MIPEP: variants seen among roughly 807,000 people sequenced by gnomAD.
MIPEP encodes mitochondrial intermediate peptidase.
MIPEP carries 79 observed loss-of-function variants against 90.3 expected under a neutral mutation model. The ratio of observed to expected loss-of-function variants is 0.87; its 90% CI spans 0.73 to 1.05. The LOEUF (loss-of-function observed/expected upper bound fraction) is 1.05, where lower values mean the gene tolerates loss of function less well. MIPEP is among the 50% of genes least tolerant of loss of function. The pLI is 0.00. For missense variants in MIPEP, 940 were observed against 905.6 expected (o/e 1.04, Z -0.49); for synonymous variants, 334 against 315.8 (o/e 1.06, Z -0.61).
At chr13:23,794,860 A>T (rs767473184) in intron 16 of MIPEP, among the ~76,000 whole-genome samples, 63 of 152,342 alleles carry the variant, frequency 4.1e-4, no homozygotes, top group Non-Finnish European at 4.1e-4. Flanking sequence ...TCATGAGATT[A>T]AAGTTTCAAT....
chr13:23,778,414 T>C (rs1952740047), intron 16 of MIPEP, among the ~76,000 whole-genome samples: 1 of 152,188 alleles, frequency 6.6e-6, no homozygotes, highest in Non-Finnish European at 1.5e-5. Context: ...CATATGGTCA[T>C]GGAAGGCTGT....
At chr13:23,816,675 C>T (rs1953242114) in intron 14 of MIPEP, among the ~76,000 whole-genome samples, 1 of 152,150 alleles carries the variant, frequency 6.6e-6, no homozygotes, top group Admixed American at 6.5e-5. Context: ...CCTCAGTTTG[C>T]TTTTATTGAT....
intron 10 of MIPEP, among the ~76,000 whole-genome samples, chr13:23,855,551 G>A (rs762977681): frequency 6.6e-6 from 1 of 152,134 alleles, no homozygotes; most frequent in East Asian, 1.9e-4. Context: ...CAAGGATTTA[G>A]AAATCTTCAC....
chr13:23,815,085 G>A (rs1953217971), intron 14 of MIPEP, among the ~76,000 whole-genome samples: 2 of 152,306 alleles, frequency 1.3e-5, no homozygotes, highest in South Asian at 4.1e-4. Flanking sequence ...CACAGATACT[G>A]AATAAATGGT....
At chr13:23,804,776 T>C (rs1049066824) in intron 16 of MIPEP, among the ~76,000 whole-genome samples, 2 of 152,240 alleles carry the variant, frequency 1.3e-5, no homozygotes, top group African/African-American at 4.8e-5. Context: ...GTTTATTGAT[T>C]AACTTAATCT....
At chr13:23,760,761 A>G (rs962401826) in intron 16 of MIPEP, among the ~76,000 whole-genome samples, 3 of 152,260 alleles carry the variant, frequency 2.0e-5, no homozygotes, top group African/African-American at 2.4e-5. Flanking sequence ...AAAATTTTGT[A>G]TCACATAAAT....
intron 14 of MIPEP, among the ~76,000 whole-genome samples, chr13:23,810,702 A>G (rs539715178): frequency 6.6e-6 from 1 of 152,250 alleles, no homozygotes; most frequent in African/African-American, 2.4e-5. Context: ...CAAGTTACTC[A>G]GTGGTATGGT....
chr13:23,772,064 T>C (rs1952657850), intron 16 of MIPEP, among the ~76,000 whole-genome samples: 1 of 152,186 alleles, frequency 6.6e-6, no homozygotes, highest in Admixed American at 6.5e-5. Flanking sequence ...CCACTTCCCA[T>C]GTAAAGGCAT....
At chr13:23,866,665 G>T (rs1459948582) in intron 7 of MIPEP, among the ~76,000 whole-genome samples, 6 of 152,144 alleles carry the variant, frequency 3.9e-5, no homozygotes. Flanking sequence ...TTCCTCACAT[G>T]CCTGGCCTCT....
rs545935247 is a variant in MIPEP at position 23,816,513 on chromosome 13, G to A, written c.1654-6589C>T. ...TATCGTGGCTTTATTACCTACATTTGCATTTGACTGTAGTTTTTTTTTGTA... is the reference window on the plus strand; with the variant it reads ...TATCGTGGCTTTATTACCTACATTTACATTTGACTGTAGTTTTTTTTTGTA... On this transcript the variant is annotated intron_variant, in intron 14 of 18. Coordinates refer to ENST00000382172, the MANE Select transcript of MIPEP (RefSeq NM_005932.4). Among the ~76,000 whole-genome samples the A allele has an allele frequency of 3.5e-5, 5 of 141,908 alleles. No homozygotes were observed. The South Asian group carries it at 9.2e-4, about 26-fold the overall frequency. 93.1% of individuals were successfully genotyped at this position (141,908 alleles called of 152,430 possible).
chr13:23,875,609 C>T (rs1162737079), intron 4 of MIPEP, among the ~76,000 whole-genome samples: 2 of 150,726 alleles, frequency 1.3e-5, no homozygotes, highest in Admixed American at 1.3e-4. Flanking sequence ...TTGATCTACT[C>T]TTTTGGCTTT....
chr13:23,799,414 G>A (rs141916783), intron 16 of MIPEP, among the ~76,000 whole-genome samples: 10 of 152,096 alleles, frequency 6.6e-5, no homozygotes, highest in Non-Finnish European at 1.3e-4. Context: ...TGCAAGCTCC[G>A]CCTTCTGGGT....
At chr13:23,879,144 A>T (rs1444432235) in intron 4 of MIPEP, 124 bp downstream of exon 4, 16 of 687,696 alleles carry the variant, frequency 2.3e-5, no homozygotes, top group Admixed American at 7.2e-5. Flanking sequence ...CAGGAGTCAT[A>T]GAGATACCTG....
Position 23,875,027 on chromosome 13 carries a change from AACAC to A in MIPEP, c.540-122_540-119del, listed in dbSNP as rs10595689. On this transcript the variant is annotated intron_variant, in intron 4 of 18. Transcript: ENST00000382172. ...GCCTCACTGCCAAAAGTTTCTTCAAAACACACACACACACACACACACACACACA... is the reference window on the plus strand; with the variant it reads ...GCCTCACTGCCAAAAGTTTCTTCAAAACACACACACACACACACACACACA... The A allele has an allele frequency of 0.41, 165,574 of 400,680 alleles. 21,205 individuals carry two copies. The highest frequency in any genetic ancestry group is 0.47 in the Admixed American group (10,823 of 23,024). 24.8% of individuals were successfully genotyped at this position (400,680 alleles called of 1,614,324 possible).
intron 17 of MIPEP, among the ~76,000 whole-genome samples, chr13:23,758,122 C>T (rs1952505629): frequency 2.0e-5 from 3 of 152,128 alleles, no homozygotes; most frequent in Non-Finnish European, 1.5e-5. Context: ...ACTGAGGTGG[C>T]GCCTCCCCTC....
chr13:23,875,878 C>T (rs569321927), intron 4 of MIPEP, among the ~76,000 whole-genome samples: 1 of 152,178 alleles, frequency 6.6e-6, no homozygotes, highest in African/African-American at 2.4e-5. Context: ...ACTGTATATA[C>T]TTTTGTATCT....
chr13:23,793,525 A>C (rs145520616), intron 16 of MIPEP, among the ~76,000 whole-genome samples: 36 of 152,290 alleles, frequency 2.4e-4, no homozygotes, highest in African/African-American at 7.2e-4. Context: ...TATGTACATT[A>C]TATCTCAATA....
chr13:23,742,017 C>G (rs1217310628), intron 18 of MIPEP, among the ~76,000 whole-genome samples: 2 of 152,042 alleles, frequency 1.3e-5, no homozygotes, highest in African/African-American at 4.8e-5. Context: ...TCCTGAGGAC[C>G]CCCTACAGGA....
chr13:23,851,300 T>G (rs1007377842), intron 10 of MIPEP, among the ~76,000 whole-genome samples: 3 of 152,214 alleles, frequency 2.0e-5, no homozygotes, highest in African/African-American at 7.2e-5. Context: ...TATGACAGAT[T>G]TGGCATCCCT....
Sources: allele counts gnomAD v4.1 joint callset (sites outside exome capture counted in the v4.1 genomes callset), GRCh38; gene constraint gnomAD v4.1.1; transcripts MANE v1.5; gene names NCBI Gene and HGNC (gene_info 2026-07-23, HGNC 2026-07-21).